HECTD4: variants seen among roughly 807,000 people sequenced by gnomAD.
HECTD4 encodes the protein HECT domain E3 ubiquitin protein ligase 4, also known as probable E3 ubiquitin-protein ligase HECTD4.
In HECTD4, 114 loss-of-function variants were observed where a neutral mutation model predicts 471.5. The observed-to-expected ratio is 0.24, with a 90% CI of 0.21 to 0.28. HECTD4 has a LOEUF of 0.28. Among genes scored for constraint, HECTD4 ranks in the 10% least tolerant of loss-of-function variants. The pLI is 1.00. For synonymous variants in HECTD4, 2,012 were observed against 2,256.0 expected (o/e 0.89, Z 3.07); for missense variants, 3,866 against 5,651.5 (o/e 0.68, Z 10.13).
chr12:112,295,191 C>G (rs1438845701), intron 7 of HECTD4, among the ~76,000 whole-genome samples: 1 of 151,618 alleles, frequency 6.6e-6, no homozygotes, highest in Non-Finnish European at 1.5e-5. Flanking sequence ...AGCTGACATT[C>G]TAAGCAGGGG....
At chr12:112,349,436 T>C (rs1486024524) in intron 1 of HECTD4, among the ~76,000 whole-genome samples, 1 of 147,928 alleles carries the variant, frequency 6.8e-6, no homozygotes, top group Non-Finnish European at 1.5e-5. Context: ...AGAAACATTA[T>C]GCATAAAGAA....
chr12:112,214,416 T>C (rs1455569209), intron 48 of HECTD4, among the ~76,000 whole-genome samples: 1 of 152,212 alleles, frequency 6.6e-6, no homozygotes, highest in Non-Finnish European at 1.5e-5. Context: ...TGGGGACTTG[T>C]CATTGTTCGC....
At position 112,179,869 on chromosome 12, in the gene HECTD4, G is replaced by C. The variant is rs552238189; in HGVS notation, c.10988-472C>G. On this transcript the variant is annotated intron_variant, in intron 62 of 75. Coordinates refer to ENST00000682272, the MANE Select transcript of HECTD4 (RefSeq NM_001388303.1). The surrounding 1 kb of genome is among the most constrained non-coding windows in gnomAD (Gnocchi z 4.3). ...GTATTTTTAGTGGGAAGTACAACTTGTTAAACAGGTGATCTCATTCATAGG... is the reference window on the plus strand; with the variant it reads ...GTATTTTTAGTGGGAAGTACAACTTCTTAAACAGGTGATCTCATTCATAGG... 9.8e-5 allele frequency among the ~76,000 whole-genome samples: 15 copies of C among 152,320 alleles called. No individual in the cohort carries two copies. The highest frequency in any genetic ancestry group is 3.4e-4 in the African/African-American group (14 of 41,556).
At chr12:112,245,108 T>C (rs557416819) in intron 29 of HECTD4, among the ~76,000 whole-genome samples, 2 of 152,264 alleles carry the variant, frequency 1.3e-5, no homozygotes, top group South Asian at 2.1e-4. Flanking sequence ...ACTCAAGCAA[T>C]CCTCCCAACT....
In HECTD4 at chr12:112,185,093, C is replaced by G. The variant is rs773525276; in HGVS notation, c.9873G>C (p.Ser3291=). 22 of 1,572,898 alleles carry G rather than the reference C, an allele frequency of 1.4e-5. No individual in the cohort carries two copies. Among genetic ancestry groups the G allele is most frequent in the Admixed American group, 3.8e-5 (2 of 53,030 alleles). The part of the protein sequence containing the change: ...TSATAPNLSD[S]SSSSSSSPGQ... ...CTGGGGAGGACGAGGAGGAGGAGGA[C>G]GAGTCACTGAGATTTGGGGCGGTCG... is the stretch of plus-strand genomic sequence containing the variant. Residue 3291 remains serine (S), a synonymous_variant, in exon 61 of 76, where the codon TCG becomes TCC. Transcript: ENST00000682272.
Position 112,243,776 on chromosome 12 carries a change from G to A in HECTD4, c.4650-15C>T, listed in dbSNP as rs1393699056. The A allele has an allele frequency of 6.2e-7, 1 of 1,611,446 alleles. No homozygotes were observed. Among genetic ancestry groups the A allele is most frequent in the South Asian group, 1.1e-5 (1 of 90,916 alleles). ...CGTGGCGACGCCTACGGGGAACACA[G>A]AACAGACTGGCAAGACGAGAAACAC... On this transcript the variant is annotated splice_polypyrimidine_tract_variant and intron_variant, in intron 30 of 75. Transcript: ENST00000682272. This position sits in a 1 kb window ranked among gnomAD's most constrained non-coding sequence, Gnocchi z 6.6.
At chr12:112,271,269 C>T (rs1201610100) in intron 11 of HECTD4, among the ~76,000 whole-genome samples, 1 of 152,148 alleles carries the variant, frequency 6.6e-6, no homozygotes, top group Admixed American at 6.5e-5. Flanking sequence ...GGCTTTGGTC[C>T]TCTGAAGGAC....
rs1052024605 is a variant in HECTD4, at chr12:112,239,829, C to T, written c.5105+52G>A. 6.8e-6 allele frequency: 10 copies of T among 1,467,532 alleles called. No homozygotes were observed. Among genetic ancestry groups the T allele is most frequent in the Admixed American group, 6.2e-5 (3 of 48,400 alleles). 90.9% of individuals were successfully genotyped at this position (1,467,532 alleles called of 1,614,324 possible). The stretch of plus-strand genomic sequence containing the variant: ...AAAATTAAAAATACTTTCACTTAAT[C>T]GACTATACTGCAGGGTAACTTACAT... On this transcript the variant is annotated intron_variant, in intron 33 of 75. Coordinates refer to ENST00000682272, the MANE Select transcript of HECTD4 (RefSeq NM_001388303.1). This position sits in a 1 kb window ranked among gnomAD's most constrained non-coding sequence, Gnocchi z 4.9.
chr12:112,228,147 C>T lies in HECTD4; in HGVS notation c.6796G>A (p.Gly2266Arg). 6.2e-7 allele frequency: 1 copy of T among 1,613,910 alleles called. No homozygotes were observed. The highest frequency in any genetic ancestry group is 8.5e-7 in the Non-Finnish European group (1 of 1,179,846). ...GCCATCACAGGAGCTGACCCATCTC[C>T]TGTTGCAGGAAGTGAGGTGTGAATA... is the stretch of plus-strand genomic sequence containing the variant. ...LSIHTSLPAT[G>R]DGSAPVMAVV... The change falls in exon 43 of 76, where the codon GGA becomes AGA. Residue 2266 changes from glycine to arginine, a missense_variant. Around this residue, in one of 16 missense-constraint regions of HECTD4, gnomAD observed 617 missense variants for 915.1 expected, o/e 0.67. Coordinates refer to ENST00000682272, the MANE Select transcript of HECTD4 (RefSeq NM_001388303.1). The surrounding 1 kb of genome is among the most constrained non-coding windows in gnomAD (Gnocchi z 4.9).
chr12:112,181,704 T>C (rs2031672801), intron 62 of HECTD4, among the ~76,000 whole-genome samples: 1 of 152,180 alleles, frequency 6.6e-6, no homozygotes, highest in South Asian at 2.1e-4. Context: ...AAGCAATCCA[T>C]CTGCCTTGGC....
rs1286841791 is a variant in HECTD4 at position 112,364,045 on chromosome 12, T to C, written c.177+17907A>G. Among the ~76,000 whole-genome samples, 4 of 147,614 alleles carry C rather than the reference T, an allele frequency of 2.7e-5. No homozygotes were observed. In the East Asian group the frequency reaches 8.1e-4, roughly 30 times the overall value. Reference sequence around the variant, plus strand: ...AAAGGTCGTGACCCCACATTACTTATCTAGGTTCCAATATTAAAAATATTA... The same window carrying C: ...AAAGGTCGTGACCCCACATTACTTACCTAGGTTCCAATATTAAAAATATTA... On this transcript the variant is annotated intron_variant, in intron 1 of 75. Transcript: ENST00000682272.
intron 37 of HECTD4, among the ~76,000 whole-genome samples, chr12:112,233,534 G>GC (rs1478686769): frequency 6.6e-6 from 1 of 151,794 alleles, no homozygotes; most frequent in Non-Finnish European, 1.5e-5. Flanking sequence ...TCTAACACTA[G>GC]CTTTTAAAAT....
intron 47 of HECTD4, 146 bp downstream of exon 47, chr12:112,216,627 C>T: frequency 1.0e-6 from 1 of 1,000,792 alleles, no homozygotes; most frequent in South Asian, 1.7e-5. Flanking sequence ...CTAATGTGCA[C>T]TGGAAATCTC....
rs780837085 is a variant in HECTD4, at chr12:112,175,909, G to A, written c.11471-50C>T. On this transcript the variant is annotated intron_variant, in intron 65 of 75. Coordinates refer to ENST00000682272, the MANE Select transcript of HECTD4 (RefSeq NM_001388303.1). ...GAATCTGGTGAGACCTGCGCACATC[G>A]CGCGCCTCCAACGTGCTCTGCTCTC... 14 of 1,603,452 alleles carry A rather than the reference G, an allele frequency of 8.7e-6. No individual in the cohort carries two copies. In the East Asian group the frequency reaches 2.0e-4, roughly 23 times the overall value.
chr12:112,379,984 T>C (rs1423947336), intron 1 of HECTD4, among the ~76,000 whole-genome samples: 2 of 151,760 alleles, frequency 1.3e-5, no homozygotes, highest in Non-Finnish European at 2.9e-5. Context: ...ACCATTCTTC[T>C]GTGGAAATAG....
chr12:112,306,553 T>C (rs1262016523), intron 6 of HECTD4, among the ~76,000 whole-genome samples: 1 of 152,218 alleles, frequency 6.6e-6, no homozygotes, highest in Non-Finnish European at 1.5e-5. Flanking sequence ...GTGTTGTATC[T>C]AACACTTATT....
intron 1 of HECTD4, among the ~76,000 whole-genome samples, chr12:112,351,809 TA>T (rs1169886854): frequency 6.6e-6 from 1 of 152,246 alleles, no homozygotes; most frequent in Non-Finnish European, 1.5e-5. Flanking sequence ...CATAGCCTAA[TA>T]GATAAAATTA....
Position 112,243,853 on chromosome 12 carries a change from C to A in HECTD4, c.4649+21G>T. The A allele has an allele frequency of 6.2e-7, 1 of 1,612,968 alleles. No homozygotes were observed. Among genetic ancestry groups the A allele is most frequent in the South Asian group, 1.1e-5 (1 of 91,042 alleles). On this transcript the variant is annotated intron_variant, in intron 30 of 75. Coordinates refer to ENST00000682272, the MANE Select transcript of HECTD4 (RefSeq NM_001388303.1). This position sits in a 1 kb window ranked among gnomAD's most constrained non-coding sequence, Gnocchi z 6.6. ...CATTCAGCTGCATGTGGGAACCCAA[C>A]CCCGGCCATTAGCCATTTACCTCTG...
chr12:112,356,943 C>T (rs983023130), intron 1 of HECTD4, among the ~76,000 whole-genome samples: 4 of 152,138 alleles, frequency 2.6e-5, no homozygotes, highest in Admixed American at 2.0e-4. Flanking sequence ...TGTTTTTGTA[C>T]TTATCTTGTC....
Sources: allele counts gnomAD v4.1 joint callset (sites outside exome capture counted in the v4.1 genomes callset), GRCh38; gene constraint gnomAD v4.1.1; regional missense constraint gnomAD v4.1.1; non-coding constraint Gnocchi (gnomAD v3.1); transcripts MANE v1.5; gene names NCBI Gene and HGNC (gene_info 2026-07-23, HGNC 2026-07-21).